The following KIAA1549L variants were observed in gnomAD, a reference collection of about 807,000 sequenced individuals.
KIAA1549L encodes the protein UPF0606 protein KIAA1549L.
In KIAA1549L, 88 loss-of-function variants were observed where a neutral mutation model predicts 160.7. The observed-to-expected ratio is 0.55, with a 90% CI of 0.46 to 0.65. The LOEUF (loss-of-function observed/expected upper bound fraction) is 0.65, where lower values mean the gene tolerates loss of function less well. Among genes scored for constraint, KIAA1549L ranks in the 30% least tolerant of loss-of-function variants. The pLI is 0.00. For missense variants in KIAA1549L, 2,258 were observed against 2,437.5 expected (o/e 0.93, Z 1.55); for synonymous variants, 950 against 976.7 (o/e 0.97, Z 0.51).
intron 1 of KIAA1549L, among the ~76,000 whole-genome samples, chr11:33,422,549 TC>T (rs1193002775): frequency 0.026 from 1,724 of 66,132 alleles, 53 homozygotes; most frequent in African/African-American, 0.083. Flanking sequence ...CCTCCCCCCT[TC>T]CCCCCCTCCT....
chr11:33,619,681 G>A (rs1009379649), intron 16 of KIAA1549L, among the ~76,000 whole-genome samples: 2 of 152,112 alleles, frequency 1.3e-5, no homozygotes, highest in African/African-American at 2.4e-5. Context: ...TGTGTTAGTA[G>A]TGTTACCCTT....
At position 33,441,466 on chromosome 11, in the gene KIAA1549L, T is replaced by C. The variant is rs1352659894; in HGVS notation, c.238+64577T>C. The stretch of plus-strand genomic sequence containing the variant: ...TGGGATGGCTGGGTCAAATGGTATT[T>C]CTAGTTCTAGATCCCTGAGGAATCG... On this transcript the variant is annotated intron_variant, in intron 1 of 20. Transcript: ENST00000658780. Among the ~76,000 whole-genome samples, 3 of 140,250 alleles carry C rather than the reference T, an allele frequency of 2.1e-5. No individual in the cohort carries two copies. The East Asian group carries it at 6.0e-4, about 28-fold the overall frequency. 92.0% of individuals were successfully genotyped at this position (140,250 alleles called of 152,430 possible).
chr11:33,490,906 G>T (rs1284669074), intron 1 of KIAA1549L, among the ~76,000 whole-genome samples: 1 of 152,206 alleles, frequency 6.6e-6, no homozygotes, highest in East Asian at 1.9e-4. Flanking sequence ...TGCCCACCCT[G>T]CTGGTCCATC....
At chr11:33,513,435 A>G (rs1275486894) in intron 1 of KIAA1549L, among the ~76,000 whole-genome samples, 3 of 152,192 alleles carry the variant, frequency 2.0e-5, no homozygotes, top group African/African-American at 4.8e-5. Flanking sequence ...CTGGAATCCC[A>G]GAAGAGAACG....
In KIAA1549L at chr11:33,544,340, C is replaced by T; in HGVS notation, c.2773+4C>T. On this transcript the variant is annotated splice_donor_region_variant and intron_variant, in intron 2 of 20. Transcript: ENST00000658780. ...CAGCACCCCAAGAAATGGACAGGTG[C>T]AGCCACTAATGCAGGTAGTTTGTTT... 3 of 1,613,536 alleles carry T rather than the reference C, an allele frequency of 1.9e-6. No homozygotes were observed. The highest frequency in any genetic ancestry group is 2.5e-6 in the Non-Finnish European group (3 of 1,179,710).
chr11:33,600,543 C>T (rs575443594), intron 13 of KIAA1549L, among the ~76,000 whole-genome samples: 3 of 151,006 alleles, frequency 2.0e-5, no homozygotes, highest in East Asian at 2.0e-4. Flanking sequence ...TACTCCCTCC[C>T]CTCCCCCTCC....
rs553560193 is a variant in KIAA1549L, at chr11:33,667,997, C to T, written c.6284C>T (p.Ala2095Val). 8.1e-6 allele frequency: 13 copies of T among 1,613,940 alleles called. No homozygotes were observed. Among genetic ancestry groups the T allele is most frequent in the South Asian group, 4.4e-5 (4 of 91,076 alleles). ...NLHPSLEQAP[A>V]PSTAASQQSL... ...CACCCCAGCCTGGAGCAGGCCCCGG[C>T]GCCCTCCACAGCGGCCTCGCAGCAG... Residue 2095 changes from alanine (A) to valine (V), a missense_variant, in exon 21 of 21, where the codon GCG (alanine) becomes GTG (valine). Around this residue, in one of 6 missense-constraint regions of KIAA1549L, gnomAD observed 1,359 missense variants for 1,546.6 expected, o/e 0.88. Transcript: ENST00000658780.
chr11:33,600,550 CTCCTTCCTTCCTT>C lies in KIAA1549L; in HGVS notation c.4879+1617_4879+1629del, dbSNP rs559194161. Among the ~76,000 whole-genome samples the C allele has an allele frequency of 3.8e-3, 579 of 151,418 alleles. 6 individuals carry two copies. Among genetic ancestry groups the C allele is most frequent in the African/African-American group, 0.013 (532 of 41,178 alleles). On this transcript the variant is annotated intron_variant, in intron 13 of 20. Transcript: ENST00000658780. ...GCTCCGCCTACTCCCTCCCCTCCCC[CTCCTTCCTTCCTT>C]TCCTTCCTTCCTTCCTTTATATACT...
chr11:33,598,190 TTGTG>T (rs57343190), intron 12 of KIAA1549L, among the ~76,000 whole-genome samples: 1,527 of 135,164 alleles, frequency 0.011, 13 homozygotes, highest in Admixed American at 0.017. Flanking sequence ...GAGAGAATGT[TTGTG>T]TGTGTGTGTG....
chr11:33,551,998 C>A, intron 5 of KIAA1549L, 110 bp from the exon 6 acceptor site: 2 of 1,222,540 alleles, frequency 1.6e-6, no homozygotes, highest in Non-Finnish European at 2.2e-6. Context: ...TATTTATTTG[C>A]CTAATTCCTC....
chr11:33,402,381 C>G (rs1850521150), intron 1 of KIAA1549L, among the ~76,000 whole-genome samples: 1 of 152,208 alleles, frequency 6.6e-6, no homozygotes, highest in Non-Finnish European at 1.5e-5. Context: ...CTCTTACAGC[C>G]TCTACTCAGG....
intron 6 of KIAA1549L, among the ~76,000 whole-genome samples, chr11:33,552,982 A>T (rs1854518738): frequency 6.6e-6 from 1 of 152,128 alleles, no homozygotes. Flanking sequence ...TCCCAGGGAA[A>T]ATCCCTGGGA....
At chr11:33,524,225 A>G (rs1205316523) in intron 1 of KIAA1549L, among the ~76,000 whole-genome samples, 4 of 152,022 alleles carry the variant, frequency 2.6e-5, no homozygotes, top group Non-Finnish European at 5.9e-5. Flanking sequence ...TAGGGTTTCA[A>G]ACTTTTTGCC....
At position 33,422,577 on chromosome 11, in the gene KIAA1549L, T is replaced by C. The variant is rs988506868; in HGVS notation, c.238+45688T>C. Among the ~76,000 whole-genome samples, 4 of 122,884 alleles carry C rather than the reference T, an allele frequency of 3.3e-5. No individual in the cohort carries two copies. The South Asian group carries it at 8.9e-4, about 27-fold the overall frequency. 80.6% of individuals were successfully genotyped at this position (122,884 alleles called of 152,430 possible). On this transcript the variant is annotated intron_variant, in intron 1 of 20. Transcript: ENST00000658780. ...CCCCCTCCTCTCCCTCCCTCCCTCCTTCCTTCCTTCCCTCCTTTCTTTCCT... is the reference window on the plus strand; with the variant it reads ...CCCCCTCCTCTCCCTCCCTCCCTCCCTCCTTCCTTCCCTCCTTTCTTTCCT...
intron 1 of KIAA1549L, among the ~76,000 whole-genome samples, chr11:33,408,489 G>GTGTGTATATATATATATATATATA (rs34208718): frequency 3.7e-4 from 46 of 123,046 alleles, no homozygotes; most frequent in South Asian, 1.7e-3. Context: ...CTGTATATGT[G>GTGTGTATATATATATATATATATA]TATATATATA....
At chr11:33,628,380 TG>T (rs1177997900) in intron 16 of KIAA1549L, among the ~76,000 whole-genome samples, 1 of 151,600 alleles carries the variant, frequency 6.6e-6, no homozygotes, top group Non-Finnish European at 1.5e-5. Flanking sequence ...ATGTTGACAG[TG>T]GGGTGTTAAA....
At chr11:33,480,933 C>T (rs1485093773) in intron 1 of KIAA1549L, among the ~76,000 whole-genome samples, 1 of 152,224 alleles carries the variant, frequency 6.6e-6, no homozygotes, top group Non-Finnish European at 1.5e-5. Context: ...ATGCCATCTC[C>T]ACCCTCCGCT....
At chr11:33,608,670 C>T (rs1850569839) in intron 14 of KIAA1549L, among the ~76,000 whole-genome samples, 1 of 152,228 alleles carries the variant, frequency 6.6e-6, no homozygotes, top group Non-Finnish European at 1.5e-5. Flanking sequence ...CAATTTATCA[C>T]CCCCTTTTCC....
rs774097138 is a variant in KIAA1549L at position 33,658,848 on chromosome 11, G to A, written c.5957G>A (p.Arg1986Lys). 6.4e-7 allele frequency: 1 copy of A among 1,563,192 alleles called. No individual in the cohort carries two copies. Among genetic ancestry groups the A allele is most frequent in the Non-Finnish European group, 8.7e-7 (1 of 1,153,892 alleles). ...HDSASFTQMS[R>K]GPVSVTQLDQ... ...AGCGCCTCCTTCACGCAGATGTCCAGAGGCCCTGTGTCCGTGACGCAGTTG... is the reference window on the plus strand; with the variant it reads ...AGCGCCTCCTTCACGCAGATGTCCAAAGGCCCTGTGTCCGTGACGCAGTTG... The change falls in exon 19 of 21, where the codon AGA becomes AAA. Residue 1986 changes from arginine to lysine, a missense_variant. Coordinates refer to ENST00000658780, the MANE Select transcript of KIAA1549L (RefSeq NM_012194.3).
Sources: allele counts gnomAD v4.1 joint callset (sites outside exome capture counted in the v4.1 genomes callset), GRCh38; gene constraint gnomAD v4.1.1; regional missense constraint gnomAD v4.1.1; transcripts MANE v1.5; gene names NCBI Gene and HGNC (gene_info 2026-07-23, HGNC 2026-07-21).